Variants in MYT1L observed in about 807,000 individuals in gnomAD.
MYT1L encodes the protein myelin transcription factor 1-like protein.
MYT1L carries 12 observed loss-of-function variants against 126.7 expected under a neutral mutation model. That is an observed-to-expected ratio of 0.09 (90% confidence interval 0.06 to 0.15). MYT1L has a LOEUF of 0.15. MYT1L is among the 10% of genes least tolerant of loss of function. MYT1L has a pLI of 1.00. For synonymous variants in MYT1L, 541 were observed against 604.2 expected, an observed-to-expected ratio of 0.90 and a Z score of 1.53; for missense variants, 979 against 1,585.2, an observed-to-expected ratio of 0.62 and a Z score of 6.49.
At chr2:2,175,589 C>T (rs892733226) in intron 2 of MYT1L, among the ~76,000 whole-genome samples, 3 of 152,064 alleles carry the variant, frequency 2.0e-5, no homozygotes, top group Non-Finnish European at 2.9e-5. Context: ...CAGACACCAC[C>T]GTAAGGAGAA....
At chr2:1,996,214 C>G (rs545601923) in intron 5 of MYT1L, among the ~76,000 whole-genome samples, 1 of 152,252 alleles carries the variant, frequency 6.6e-6, no homozygotes, top group Non-Finnish European at 1.5e-5. Flanking sequence ...TTTTCTCACA[C>G]GCAGAGAGCA....
rs74164556 is a variant in MYT1L, at chr2:2,158,618, A to AACACACACACAC, written c.-304+14242_-304+14253dup. On this transcript the variant is annotated intron_variant, in intron 3 of 24. Coordinates refer to ENST00000647738, the MANE Select transcript of MYT1L (RefSeq NM_001303052.2). ...CTCCTCTCTCTCCTCCCATGGCATA[A>AACACACACACAC]ACACACACACACACACACACACACA... Among the ~76,000 whole-genome samples, 584 of 144,374 alleles carry AACACACACACAC rather than the reference A, an allele frequency of 4.0e-3. 4 individuals carry two copies. Among genetic ancestry groups the AACACACACACAC allele is most frequent in the African/African-American group, 0.014 (562 of 39,134 alleles). The allele number at this position is 144,374 out of a possible 152,430, so 94.7% of individuals were successfully genotyped here.
intron 3 of MYT1L, among the ~76,000 whole-genome samples, chr2:2,154,780 C>T (rs371563941): frequency 1.3e-5 from 2 of 152,132 alleles, no homozygotes; most frequent in African/African-American, 2.4e-5. Context: ...CCCTGTGACA[C>T]GAGTTTACCT....
intron 3 of MYT1L, among the ~76,000 whole-genome samples, chr2:2,164,612 T>C (rs770902848): frequency 1.3e-5 from 2 of 152,210 alleles, no homozygotes; most frequent in Non-Finnish European, 1.5e-5. Flanking sequence ...CCACCCCAGA[T>C]TGTCAGTTGA....
At chr2:2,090,703 T>C (rs2076829661) in intron 3 of MYT1L, among the ~76,000 whole-genome samples, 1 of 152,222 alleles carries the variant, frequency 6.6e-6, no homozygotes, top group Non-Finnish European at 1.5e-5. Context: ...ATGATGCTGT[T>C]TGATAGGACT....
intron 3 of MYT1L, among the ~76,000 whole-genome samples, chr2:2,127,931 C>T (rs2081921602): frequency 6.6e-6 from 1 of 152,162 alleles, no homozygotes; most frequent in Non-Finnish European, 1.5e-5. Flanking sequence ...GTCACTGATC[C>T]TATCTTAGTC....
At chr2:1,861,086 G>T (rs1248225510) in intron 18 of MYT1L, among the ~76,000 whole-genome samples, 3 of 152,132 alleles carry the variant, frequency 2.0e-5, no homozygotes, top group African/African-American at 7.2e-5. Context: ...CTCAGATATT[G>T]TTTTTTAAAT....
At position 2,084,461 on chromosome 2, in the gene MYT1L, C is replaced by T. The variant is rs906605368; in HGVS notation, c.-303-30338G>A. ...AACACTGAGAGCTCCCCTGCAGGTC[C>T]TCACCCCACTGCCCCTTGTGTTTGC... On this transcript the variant is annotated intron_variant, in intron 3 of 24. Transcript: ENST00000647738. Among the ~76,000 whole-genome samples the T allele has an allele frequency of 6.6e-5, 10 of 152,236 alleles. No homozygotes were observed. The East Asian group carries it at 1.7e-3, about 26-fold the overall frequency.
intron 2 of MYT1L, among the ~76,000 whole-genome samples, chr2:2,279,671 A>C (rs144641358): frequency 6.6e-6 from 1 of 152,288 alleles, no homozygotes; most frequent in East Asian, 1.9e-4. Context: ...GCTTTTCCCT[A>C]TCAGTTCAGC....
chr2:2,101,816 A>C (rs1431078695), intron 3 of MYT1L, among the ~76,000 whole-genome samples: 8 of 152,228 alleles, frequency 5.3e-5, no homozygotes, highest in Non-Finnish European at 8.8e-5. Context: ...AATGCATTTA[A>C]AGTACTTCAT....
At chr2:2,217,582 C>A (rs1438136126) in intron 2 of MYT1L, among the ~76,000 whole-genome samples, 1 of 151,148 alleles carries the variant, frequency 6.6e-6, no homozygotes, top group African/African-American at 2.4e-5. Context: ...ACTTGAGAGG[C>A]TGAAGGCAGG....
At chr2:2,203,994 A>T (rs1050726635) in intron 2 of MYT1L, among the ~76,000 whole-genome samples, 12 of 152,212 alleles carry the variant, frequency 7.9e-5, no homozygotes, top group African/African-American at 2.9e-4. Flanking sequence ...AAACCTAACA[A>T]AAACAAGAAA....
chr2:2,261,393 T>A (rs1355894004), intron 2 of MYT1L, among the ~76,000 whole-genome samples: 1 of 152,220 alleles, frequency 6.6e-6, no homozygotes, highest in Admixed American at 6.5e-5. Flanking sequence ...GGAACATAAC[T>A]ATATCATCTG....
chr2:2,099,080 G>C (rs1456790895), intron 3 of MYT1L, among the ~76,000 whole-genome samples: 1 of 152,202 alleles, frequency 6.6e-6, no homozygotes, highest in Non-Finnish European at 1.5e-5. Context: ...AGAGACAAAT[G>C]CATTGCAGAT....
rs747060250 is a variant in MYT1L at position 1,851,604 on chromosome 2, A to T, written c.2774+37T>A. ...GATATTCCTGCCATTTCAGTGAGAAAGAGCATTTTGGAGAGAAGAGTAGCA... is the reference window on the plus strand; with the variant it reads ...GATATTCCTGCCATTTCAGTGAGAATGAGCATTTTGGAGAGAAGAGTAGCA... On this transcript the variant is annotated intron_variant, in intron 19 of 24. Coordinates refer to ENST00000647738, the MANE Select transcript of MYT1L (RefSeq NM_001303052.2). The T allele has an allele frequency of 1.0e-5, 16 of 1,593,726 alleles. No homozygotes were observed. The African/African-American group carries it at 1.7e-4, about 17-fold the overall frequency.
chr2:1,919,535 T>C (rs1223031028), intron 10 of MYT1L, among the ~76,000 whole-genome samples: 1 of 152,120 alleles, frequency 6.6e-6, no homozygotes, highest in Non-Finnish European at 1.5e-5. Flanking sequence ...ATTTTGGAAA[T>C]GTTACTCGTT....
At chr2:2,011,438 A>G (rs1437501842) in intron 4 of MYT1L, among the ~76,000 whole-genome samples, 1 of 151,936 alleles carries the variant, frequency 6.6e-6, no homozygotes, top group East Asian at 1.9e-4. Context: ...AGAAAAAAAA[A>G]AACTGTAACT....
At chr2:2,277,732 T>C (rs542891821) in intron 2 of MYT1L, among the ~76,000 whole-genome samples, 1 of 152,268 alleles carries the variant, frequency 6.6e-6, no homozygotes, top group South Asian at 2.1e-4. Flanking sequence ...CTACAAATGG[T>C]CATATAACAA....
intron 3 of MYT1L, among the ~76,000 whole-genome samples, chr2:2,136,304 G>T (rs1441305800): frequency 1.3e-5 from 2 of 152,176 alleles, no homozygotes; most frequent in Non-Finnish European, 2.9e-5. Context: ...TGCCTTTGTG[G>T]TTTGAAAGAG....
Sources: gnomAD v4.1 joint callset for allele counts (sites outside exome capture counted in the v4.1 genomes callset) on GRCh38, gnomAD v4.1.1 for gene constraint, MANE v1.5 for transcripts, NCBI Gene and HGNC (gene_info 2026-07-23, HGNC 2026-07-21) for gene names.